KRT25: variants seen among roughly 807,000 people sequenced by gnomAD.
KRT25 encodes the protein keratin 25.
Under a neutral mutation model 47.6 loss-of-function variants are expected in KRT25, and 37 were observed. That is an observed-to-expected ratio of 0.78 (90% CI 0.60 to 1.02). The LOEUF is 1.02. Among genes scored for constraint, KRT25 ranks in the 50% least tolerant of loss-of-function variants. The pLI is 0.00. For missense variants in KRT25, 542 were observed against 550.3 expected (o/e 0.98, Z 0.15); for synonymous variants, 203 against 210.2 (o/e 0.97, Z 0.30).
At chr17:40,751,413 G>A in intron 3 of KRT25, 87 bp from the exon 4 acceptor site, 4 of 1,426,266 alleles carry the variant, frequency 2.8e-6, no homozygotes, top group South Asian at 2.9e-5. Flanking sequence ...CTTAGAGTTC[G>A]TCTGGTTTTC....
At chr17:40,748,617 G>A (rs912691175) in intron 7 of KRT25, among the ~76,000 whole-genome samples, 2 of 152,032 alleles carry the variant, frequency 1.3e-5, no homozygotes, top group South Asian at 4.2e-4. Flanking sequence ...AGCACATATG[G>A]ATATCTACTA....
Position 40,751,293 on chromosome 17 carries a change from T to G in KRT25, c.703A>C (p.Asn235His). The change falls in exon 4 of 8, where the codon AAC becomes CAC. Residue 235 changes from asparagine to histidine, a missense_variant. Asn to His is a moderately conservative substitution (Grantham distance 68, BLOSUM62 1). Coordinates refer to ENST00000312150, the MANE Select transcript of KRT25 (RefSeq NM_181534.4). ...MQVLQCAAGGNVNVEMNAAPG... is the reference protein window; with the variant it reads ...MQVLQCAAGGHVNVEMNAAPG... The stretch of plus-strand genomic sequence containing the variant: ...GCTGCGTTCATCTCCACGTTCACGT[T>G]GCCTCCAGCTGCGCACTGCAGAACT... 2 of 1,613,766 alleles carry G rather than the reference T, an allele frequency of 1.2e-6. No individual in the cohort carries two copies. The highest frequency in any genetic ancestry group is 1.7e-6 in the Non-Finnish European group (2 of 1,179,834).
intron 3 of KRT25, among the ~76,000 whole-genome samples, chr17:40,751,879 CGTGCGTGT>C (rs1210582268): frequency 1.2e-5 from 1 of 84,180 alleles, no homozygotes; most frequent in Non-Finnish European, 2.6e-5. Flanking sequence ...TGTGTGTGTG[CGTGCGTGT>C]GTGTGTGTGT....
chr17:40,754,930 C>G lies in KRT25; in HGVS notation c.342G>C (p.Trp114Cys). The G allele has an allele frequency of 3.1e-6, 5 of 1,614,148 alleles. No homozygotes were observed. Among genetic ancestry groups the G allele is most frequent in the Non-Finnish European group, 4.2e-6 (5 of 1,180,036 alleles). Reference protein sequence around the residue: ...NADLEQKIKGWYEKFGPGSCR... With the variant: ...NADLEQKIKGCYEKFGPGSCR... Reference sequence around the variant, plus strand: ...AAGAGCCAGGCCCAAATTTCTCATACCAGCCCTTGATCTTCTGCTCCAGGT... The same window carrying G: ...AAGAGCCAGGCCCAAATTTCTCATAGCAGCCCTTGATCTTCTGCTCCAGGT... Residue 114 changes from tryptophan (W) to cysteine (C), a missense_variant, in exon 1 of 8, where the codon TGG becomes TGC. By Grantham distance (215) the Trp-to-Cys change is radical. Transcript: ENST00000312150.
In KRT25 at chr17:40,751,201, C is replaced by T; in HGVS notation, c.795G>A (p.Gln265=). ...MRAEYEALAE[Q]NRRDAEAWFN... is the part of the protein sequence containing the mutation. ...ACCAGGCCTCCGCGTCCCTGCGGTTCTGCTCTGCAAGGGCTTCGTACTCAG... is the reference window on the plus strand; with the variant it reads ...ACCAGGCCTCCGCGTCCCTGCGGTTTTGCTCTGCAAGGGCTTCGTACTCAG... Residue 265 remains glutamine, a synonymous_variant, in exon 4 of 8, where the codon CAG becomes CAA. Coordinates refer to ENST00000312150, the MANE Select transcript of KRT25 (RefSeq NM_181534.4). 1.2e-6 allele frequency: 2 copies of T among 1,614,170 alleles called. No homozygotes were observed. The highest frequency in any genetic ancestry group is 2.2e-5 in the East Asian group (1 of 44,880).
rs748188599 is a variant in KRT25, at chr17:40,751,053, A to G, written c.858T>C (p.Ser286=). ...CTGAGGTTGTGGCTCCGACATCCTCAGAGATCTGCTGCTGCAGGGAGGCGC... is the reference window on the plus strand; with the variant it reads ...CTGAGGTTGTGGCTCCGACATCCTCGGAGATCTGCTGCTGCAGGGAGGCGC... ...EKSASLQQQI[S]EDVGATTSAR... Residue 286 remains serine, a synonymous_variant, in exon 5 of 8, where the codon TCT becomes TCC. Transcript: ENST00000312150. The G allele has an allele frequency of 1.4e-5, 22 of 1,614,082 alleles. No individual in the cohort carries two copies. In the African/African-American group the frequency reaches 2.8e-4, roughly 21 times the overall value.
At chr17:40,754,690 C>A (rs899589862) in intron 1 of KRT25, among the ~76,000 whole-genome samples, 153 bp downstream of exon 1, 1 of 133,406 alleles carries the variant, frequency 7.5e-6, no homozygotes, top group Non-Finnish European at 1.5e-5. Flanking sequence ...TGCACTCCAG[C>A]CTGGGCAACA....
At chr17:40,754,163 G>A in intron 2 of KRT25, 147 bp from the exon 3 acceptor site, 1 of 861,328 alleles carries the variant, frequency 1.2e-6, no homozygotes, top group Non-Finnish European at 1.8e-6. Flanking sequence ...AATAATTATT[G>A]TTTCTACTTT....
Position 40,750,471 on chromosome 17 carries a change from G to T in KRT25, c.1084C>A (p.Gln362Lys). The T allele has an allele frequency of 6.2e-7, 1 of 1,614,016 alleles. No homozygotes were observed. The highest frequency in any genetic ancestry group is 8.5e-7 in the Non-Finnish European group (1 of 1,179,932). Residue 362 changes from glutamine to lysine, a missense_variant, in exon 6 of 8, where the codon CAG becomes AAG. Coordinates refer to ENST00000312150, the MANE Select transcript of KRT25 (RefSeq NM_181534.4). ...LHQVRTETEG[Q>K]KLEYEQLLDI... is the part of the protein sequence containing the mutation. ...AGGAGCTGCTCATACTCCAGCTTCT[G>T]GCCCTCGGTCTCGGTTCTGACCTGG...
Position 40,748,103 on chromosome 17 carries a change from T to A in KRT25, c.*174A>T, listed in dbSNP as rs569815235. Reference sequence around the variant, plus strand: ...GATAATCAAATGAGTCATATTTGTGTGTGGCATTCTTCTAGATGAATGGGG... The same window carrying A: ...GATAATCAAATGAGTCATATTTGTGAGTGGCATTCTTCTAGATGAATGGGG... On this transcript the variant is annotated 3_prime_UTR_variant, in exon 8 of 8. Coordinates refer to ENST00000312150, the MANE Select transcript of KRT25 (RefSeq NM_181534.4). The A allele has an allele frequency of 2.1e-6, 1 of 484,766 alleles. No individual in the cohort carries two copies. Among genetic ancestry groups the A allele is most frequent in the African/African-American group, 2.0e-5 (1 of 50,610 alleles). 30.0% of individuals were successfully genotyped at this position (484,766 alleles called of 1,614,324 possible). A position where few individuals can be genotyped will look rare whatever the true frequency, so the allele number is the denominator to read the frequency against.
At chr17:40,751,647 C>T (rs2038049338) in intron 3 of KRT25, among the ~76,000 whole-genome samples, 1 of 152,124 alleles carries the variant, frequency 6.6e-6, no homozygotes, top group Non-Finnish European at 1.5e-5. Flanking sequence ...ATCTTAATTC[C>T]TTTTCCATAT....
chr17:40,752,468 C>T (rs78182203), intron 3 of KRT25, among the ~76,000 whole-genome samples: 1,943 of 152,238 alleles, frequency 0.013, 38 homozygotes, highest in African/African-American at 0.045. Context: ...TGCAGCGAGC[C>T]CCTCAGCCAT....
At chr17:40,751,397 AG>A (rs1213103281) in intron 3 of KRT25, 71 bp from the exon 4 acceptor site, 3 of 1,486,538 alleles carry the variant, frequency 2.0e-6, no homozygotes, top group East Asian at 4.7e-5. Flanking sequence ...TAGCTTTGGA[AG>A]GGCACTTAGA....
At position 40,753,744 on chromosome 17, in the gene KRT25, T is replaced by G. The variant is rs559019109; in HGVS notation, c.669+116A>C. On this transcript the variant is annotated intron_variant, in intron 3 of 7. Transcript: ENST00000312150. Reference sequence around the variant, plus strand: ...AAAAAGACAGCTCAGCCCTCATGTCTGTCTGACAATGTGTCTTCAGCACCA... The same window carrying G: ...AAAAAGACAGCTCAGCCCTCATGTCGGTCTGACAATGTGTCTTCAGCACCA... 23 of 368,624 alleles carry G rather than the reference T, an allele frequency of 6.2e-5. No individual in the cohort carries two copies. In the East Asian group the frequency reaches 1.3e-3, roughly 21 times the overall value. The allele number at this position is 368,624 out of a possible 1,614,324, so 22.8% of individuals were successfully genotyped here.
rs780093383 is a variant in KRT25 at position 40,751,168 on chromosome 17, C to G, written c.828G>C (p.Glu276Asp). The part of the protein sequence containing the change: ...NRRDAEAWFN[E>D]KSASLQQQIS... ...CCGTTTTCTGGAGGAGAGTCACCTT[C>G]TCGTTGAACCAGGCCTCCGCGTCCC... Residue 276 changes from glutamate (E) to aspartate (D), a missense_variant, in exon 4 of 8, where the codon GAG becomes GAC. Physicochemically the swap from Glu to Asp is conservative, Grantham distance 45. Coordinates refer to ENST00000312150, the MANE Select transcript of KRT25 (RefSeq NM_181534.4). 1.9e-5 allele frequency: 31 copies of G among 1,613,996 alleles called. No individual in the cohort carries two copies. In the East Asian group the frequency reaches 6.7e-4, roughly 35 times the overall value.
At chr17:40,750,719 A>G (rs2038038325) in intron 5 of KRT25, 122 bp from the exon 6 acceptor site, 4 of 1,432,318 alleles carry the variant, frequency 2.8e-6, no homozygotes, top group South Asian at 2.6e-5. Flanking sequence ...ACATGGACAC[A>G]TAGTTAAGAC....
chr17:40,750,267 C>A, intron 6 of KRT25, 113 bp downstream of exon 6: 1 of 980,836 alleles, frequency 1.0e-6, no homozygotes. Flanking sequence ...ATTTAGTATT[C>A]ATGATAATAA....
Position 40,755,081 on chromosome 17 carries a change from C to T in KRT25, c.191G>A (p.Cys64Tyr). ...CCGCTCATTCACAGTGAAGCCAGCA[C>T]AGGGATTACCTCCCCCTGTGTTTCC... ...SGGNTGGGNP[C>Y]AGFTVNERGL... The change falls in exon 1 of 8, where the codon TGT becomes TAT. Residue 64 changes from cysteine (C) to tyrosine (Y), a missense_variant. Transcript: ENST00000312150. 1 of 1,614,144 alleles carries T rather than the reference C, an allele frequency of 6.2e-7. No individual in the cohort carries two copies. Among genetic ancestry groups the T allele is most frequent in the Non-Finnish European group, 8.5e-7 (1 of 1,180,010 alleles).
intron 5 of KRT25, 90 bp from the exon 6 acceptor site, chr17:40,750,687 AC>A: frequency 6.4e-7 from 1 of 1,556,974 alleles, no homozygotes; most frequent in South Asian, 1.2e-5. Flanking sequence ...TGTTAACTTT[AC>A]ATATAATTGT....
Sources: gnomAD v4.1 joint callset for allele counts (sites outside exome capture counted in the v4.1 genomes callset) on GRCh38, gnomAD v4.1.1 for gene constraint, MANE v1.5 for transcripts, NCBI Gene and HGNC (gene_info 2026-07-23, HGNC 2026-07-21) for gene names.